The following RIPOR2 variants were observed in gnomAD, a reference collection of about 807,000 sequenced individuals.
RIPOR2 encodes the protein rho family-interacting cell polarization regulator 2.
RIPOR2 carries 39 observed loss-of-function variants against 114.5 expected under a neutral mutation model. The ratio of observed to expected loss-of-function variants is 0.34; its 90% CI spans 0.26 to 0.44. The LOEUF is 0.44. RIPOR2 is among the 20% of genes least tolerant of loss of function. The pLI, the probability that RIPOR2 is intolerant of heterozygous loss-of-function variation, is 1.00. For missense variants in RIPOR2, 1,007 were observed against 1,255.1 expected (o/e 0.80, Z 2.99); for synonymous variants, 445 against 484.4 (o/e 0.92, Z 1.07).
At position 24,872,941 on chromosome 6, in the gene RIPOR2, G is replaced by A; in HGVS notation, c.363C>T (p.His121=). 6.2e-7 allele frequency: 1 copy of A among 1,611,012 alleles called. No homozygotes were observed. Among genetic ancestry groups the A allele is most frequent in the Non-Finnish European group, 8.5e-7 (1 of 1,177,452 alleles). ...CTGTCAACTTGTCCAGCTCCGTCTG[G>A]TGAACCTCCAGATATTCACTGCAAA... ...KNGLDEYLEV[H]QTELDKLTAQ... The change falls in exon 4 of 22, where the codon CAC becomes CAT. Residue 121 remains histidine, a synonymous_variant. Coordinates refer to ENST00000643898, the MANE Select transcript of RIPOR2 (RefSeq NM_001286445.3).
At chr6:24,850,997 G>A (rs976385400) in intron 9 of RIPOR2, among the ~76,000 whole-genome samples, 2 of 151,760 alleles carry the variant, frequency 1.3e-5, no homozygotes, top group African/African-American at 4.8e-5. Context: ...CAGGGTTCAA[G>A]CGATTCCCCT....
intron 9 of RIPOR2, among the ~76,000 whole-genome samples, 195 bp downstream of exon 9, chr6:24,852,380 A>G (rs959961709): frequency 6.6e-6 from 1 of 152,124 alleles, no homozygotes; most frequent in Non-Finnish European, 1.5e-5. Flanking sequence ...ATAATGTTAC[A>G]AAGTGGTGAA....
intron 1 of RIPOR2, among the ~76,000 whole-genome samples, chr6:24,946,918 C>A (rs556665820): frequency 5.3e-5 from 8 of 152,086 alleles, no homozygotes; most frequent in Admixed American, 1.3e-4. Context: ...TTCTTCCTGG[C>A]GTGGCTTCTT....
intron 1 of RIPOR2, among the ~76,000 whole-genome samples, chr6:24,969,979 A>G (rs139816709): frequency 1.9e-4 from 29 of 152,298 alleles, no homozygotes; most frequent in African/African-American, 6.7e-4. Context: ...TTCAATAAAT[A>G]TTTGTTGAAT....
chr6:24,859,711 T>C (rs1169853475), intron 8 of RIPOR2, among the ~76,000 whole-genome samples: 1 of 152,198 alleles, frequency 6.6e-6, no homozygotes, highest in Non-Finnish European at 1.5e-5. Flanking sequence ...AGACAGGCTC[T>C]TACATGTCAG....
chr6:24,893,472 C>T (rs1464631941), intron 1 of RIPOR2, among the ~76,000 whole-genome samples: 6 of 152,154 alleles, frequency 3.9e-5, no homozygotes, highest in African/African-American at 1.4e-4. Flanking sequence ...CCTTGTCCTC[C>T]TCAGGTCTCT....
At chr6:24,908,060 T>C (rs937895465) in intron 1 of RIPOR2, among the ~76,000 whole-genome samples, 2 of 148,112 alleles carry the variant, frequency 1.4e-5, no homozygotes, top group Admixed American at 1.4e-4. Flanking sequence ...ACAAGCTGTC[T>C]ATCTCCCCCA....
intron 1 of RIPOR2, among the ~76,000 whole-genome samples, chr6:24,921,935 T>C (rs1770529270): frequency 6.6e-6 from 1 of 151,970 alleles, no homozygotes; most frequent in Non-Finnish European, 1.5e-5. Flanking sequence ...GTTCAAGCAA[T>C]TCTCTTGCCT....
At chr6:24,898,650 A>C (rs1768111645) in intron 1 of RIPOR2, 2 of 152,220 alleles carry the variant, frequency 1.3e-5, no homozygotes, top group African/African-American at 4.8e-5. Flanking sequence ...AACTAGCTCA[A>C]TTTAACCTCC....
intron 6 of RIPOR2, among the ~76,000 whole-genome samples, chr6:24,865,756 G>C (rs1375126608): frequency 6.6e-6 from 1 of 152,124 alleles, no homozygotes; most frequent in Non-Finnish European, 1.5e-5. Flanking sequence ...TGGGTTCATG[G>C]GTGGACTGTA....
At chr6:24,869,263 C>T in intron 5 of RIPOR2, 116 bp from the exon 6 acceptor site, 1 of 552,568 alleles carries the variant, frequency 1.8e-6, no homozygotes, top group South Asian at 2.7e-5. Flanking sequence ...AATATATTTC[C>T]CCTTTCCTTC....
At chr6:24,819,805 G>T (rs1455074624) in intron 19 of RIPOR2, among the ~76,000 whole-genome samples, 2 of 150,468 alleles carry the variant, frequency 1.3e-5, no homozygotes, top group Admixed American at 1.3e-4. Context: ...CCGGCCAATT[G>T]TCTTATTTTT....
rs762536781 is a variant in RIPOR2, at chr6:24,873,697, C to A, written c.291G>T (p.Glu97Asp). Residue 97 changes from glutamate (E) to aspartate (D), a missense_variant, in exon 3 of 22, where the codon GAG becomes GAT. Glu to Asp is a conservative substitution (Grantham distance 45, BLOSUM62 2). Transcript: ENST00000643898. ...CTTCTTCCACCCTTTTAGGCTGAGG[C>A]TCTTTGGGGGGATTGTTGTTTTTGT... ...LGHKNNNPPK[E>D]PQPKRVEEVY... The A allele has an allele frequency of 1.9e-6, 3 of 1,613,722 alleles. No individual in the cohort carries two copies. The highest frequency in any genetic ancestry group is 2.2e-5 in the East Asian group (1 of 44,878).
intron 8 of RIPOR2, among the ~76,000 whole-genome samples, chr6:24,859,539 C>A (rs918294696): frequency 2.6e-5 from 4 of 151,836 alleles, no homozygotes; most frequent in African/African-American, 9.7e-5. Flanking sequence ...GAGAATGGAC[C>A]TAAAAAATGG....
intron 1 of RIPOR2, among the ~76,000 whole-genome samples, chr6:24,974,158 A>T (rs1773922631): frequency 6.6e-6 from 1 of 152,146 alleles, no homozygotes; most frequent in Admixed American, 6.5e-5. Flanking sequence ...CAGAGGTGGG[A>T]GGACTGTTTG....
chr6:25,009,914 C>A (rs1318382604), intron 1 of RIPOR2, among the ~76,000 whole-genome samples: 1 of 151,856 alleles, frequency 6.6e-6, no homozygotes, highest in Admixed American at 6.6e-5. Context: ...CAGGAAAGGC[C>A]CTGTGGTGTG....
chr6:24,849,898 C>T lies in RIPOR2; in HGVS notation c.938G>A (p.Cys313Tyr). Residue 313 changes from cysteine (C) to tyrosine (Y), a missense_variant, in exon 11 of 22, where the codon TGT (cysteine) becomes TAT (tyrosine). Physicochemically the swap from Cys to Tyr is radical, Grantham distance 194. Coordinates refer to ENST00000643898, the MANE Select transcript of RIPOR2 (RefSeq NM_001286445.3). ...ATHILVGSVT[C>Y]ETKELFAARP... ...GGCTGCAAACAGCTCTTTGGTCTCACAGGTCACGCTACCTACCAGGATGTG... is the reference window on the plus strand; with the variant it reads ...GGCTGCAAACAGCTCTTTGGTCTCATAGGTCACGCTACCTACCAGGATGTG... The T allele has an allele frequency of 1.2e-6, 2 of 1,613,950 alleles. No individual in the cohort carries two copies. Among genetic ancestry groups the T allele is most frequent in the Non-Finnish European group, 1.7e-6 (2 of 1,179,854 alleles).
intron 1 of RIPOR2, among the ~76,000 whole-genome samples, chr6:24,892,840 C>G (rs1459105369): frequency 1.3e-5 from 2 of 152,100 alleles, no homozygotes; most frequent in Non-Finnish European, 2.9e-5. Context: ...GGCAAACCAA[C>G]TGAAAAGTCA....
intron 15 of RIPOR2, among the ~76,000 whole-genome samples, chr6:24,833,832 A>C (rs1760878799): frequency 6.6e-6 from 1 of 152,182 alleles, no homozygotes; most frequent in African/African-American, 2.4e-5. Flanking sequence ...TCATGGCCTT[A>C]TTACCGAGAG....
Sources: allele counts gnomAD v4.1 joint callset (sites outside exome capture counted in the v4.1 genomes callset), GRCh38; gene constraint gnomAD v4.1.1; transcripts MANE v1.5; gene names NCBI Gene and HGNC (gene_info 2026-07-23, HGNC 2026-07-21).